DLG2: variants seen among roughly 807,000 people sequenced by gnomAD.
DLG2 encodes the protein discs large MAGUK scaffold protein 2.
DLG2 carries 45 observed loss-of-function variants against 132.5 expected under a neutral mutation model. The ratio of observed to expected loss-of-function variants is 0.34; its 90% CI spans 0.27 to 0.44. DLG2 has a LOEUF of 0.44. Ranked by LOEUF, DLG2 falls within the 20% of genes least tolerant of loss-of-function variation. The pLI is 1.00. For synonymous variants in DLG2, 424 were observed against 419.6 expected (o/e 1.01, Z -0.13); for missense variants, 1,045 against 1,196.9 (o/e 0.87, Z 1.87).
Position 84,163,465 on chromosome 11 carries a change from T to C in DLG2, c.620A>G (p.Glu207Gly). ...IEYEFEEITLERGNSGLGFSI... is the reference protein window; with the variant it reads ...IEYEFEEITLGRGNSGLGFSI... ...TTTTTCAAAATTTTTTCTTACCCTCTCCAGTGTAATTTCTTCAAATTCATA... is the reference window on the plus strand; with the variant it reads ...TTTTTCAAAATTTTTTCTTACCCTCCCCAGTGTAATTTCTTCAAATTCATA... The change falls in exon 9 of 28, where the codon GAG (glutamate) becomes GGG (glycine). Residue 207 changes from glutamate (E) to glycine (G), a missense_variant. By Grantham distance (98) the Glu-to-Gly change is moderately conservative. This residue lies in a region of DLG2 where 109 missense variants were observed against 159.1 expected (regional missense o/e 0.69). Transcript: ENST00000376104. 6.2e-7 allele frequency: 1 copy of C among 1,606,320 alleles called. No individual in the cohort carries two copies. Among genetic ancestry groups the C allele is most frequent in the Non-Finnish European group, 8.5e-7 (1 of 1,177,256 alleles).
At chr11:84,689,006 T>G (rs1195473895) in intron 6 of DLG2, among the ~76,000 whole-genome samples, 1 of 152,226 alleles carries the variant, frequency 6.6e-6, no homozygotes, top group Non-Finnish European at 1.5e-5. Flanking sequence ...TTCACAGTGC[T>G]GTTAAGCAGA....
At chr11:84,540,477 T>C (rs567689366) in intron 6 of DLG2, among the ~76,000 whole-genome samples, 12 of 151,882 alleles carry the variant, frequency 7.9e-5, no homozygotes, top group South Asian at 2.1e-4. Flanking sequence ...GAAATGCAAA[T>C]CAGAACCACA....
intron 7 of DLG2, among the ~76,000 whole-genome samples, chr11:84,362,940 T>C (rs1449695721): frequency 6.6e-6 from 1 of 152,140 alleles, no homozygotes; most frequent in Non-Finnish European, 1.5e-5. Flanking sequence ...TCCAAGTCTT[T>C]GCTATTGTGA....
intron 6 of DLG2, among the ~76,000 whole-genome samples, chr11:84,758,803 C>T (rs572039689): frequency 1.3e-5 from 2 of 152,240 alleles, no homozygotes; most frequent in African/African-American, 4.8e-5. Context: ...AACGTAGATT[C>T]ACTAAGTTGA....
intron 18 of DLG2, among the ~76,000 whole-genome samples, chr11:83,745,222 G>A (rs1316601592): frequency 6.6e-6 from 1 of 152,162 alleles, no homozygotes; most frequent in Admixed American, 6.5e-5. Context: ...CAAATGCTGT[G>A]AAAACAAATT....
At chr11:83,634,363 A>G (rs2064248074) in intron 18 of DLG2, among the ~76,000 whole-genome samples, 1 of 152,204 alleles carries the variant, frequency 6.6e-6, no homozygotes, top group African/African-American at 2.4e-5. Context: ...GAACATGTAA[A>G]AAGAAACGGC....
At chr11:85,408,459 A>G (rs2088981648) in intron 3 of DLG2, among the ~76,000 whole-genome samples, 2 of 151,364 alleles carry the variant, frequency 1.3e-5, no homozygotes, top group Admixed American at 6.6e-5. Flanking sequence ...GGTTAGTTAC[A>G]TATGTATACA....
chr11:84,056,941 T>C (rs1275501484), intron 11 of DLG2, among the ~76,000 whole-genome samples: 1 of 152,164 alleles, frequency 6.6e-6, no homozygotes, highest in East Asian at 1.9e-4. Context: ...GAGCCTGCTT[T>C]TTAGGGATGC....
intron 6 of DLG2, among the ~76,000 whole-genome samples, chr11:85,087,270 G>C (rs915375522): frequency 1.3e-5 from 2 of 152,168 alleles, no homozygotes; most frequent in Non-Finnish European, 2.9e-5. Flanking sequence ...AAGTAATTAG[G>C]AGTATGAGAG....
intron 19 of DLG2, among the ~76,000 whole-genome samples, chr11:83,556,765 A>G (rs2096527805): frequency 6.6e-6 from 1 of 152,238 alleles, no homozygotes; most frequent in South Asian, 2.1e-4. Context: ...ATAGAAGTGT[A>G]TAAATTGGGC....
intron 16 of DLG2, among the ~76,000 whole-genome samples, chr11:83,860,127 A>T (rs531537729): frequency 6.6e-6 from 1 of 152,322 alleles, no homozygotes; most frequent in South Asian, 2.1e-4. Context: ...CTGCTAGGGC[A>T]GTGTAGAAGG....
At chr11:85,143,783 A>T (rs2076654462) in intron 5 of DLG2, among the ~76,000 whole-genome samples, 2 of 151,870 alleles carry the variant, frequency 1.3e-5, no homozygotes, top group African/African-American at 2.4e-5. Context: ...CATAGTGGTC[A>T]GAAAAGATAT....
intron 3 of DLG2, among the ~76,000 whole-genome samples, chr11:85,502,007 T>G (rs941712931): frequency 2.0e-5 from 3 of 152,260 alleles, no homozygotes; most frequent in Admixed American, 6.5e-5. Flanking sequence ...AGCAAAGACT[T>G]GGAACCAACC....
intron 6 of DLG2, among the ~76,000 whole-genome samples, chr11:84,712,876 A>G (rs2060603377): frequency 6.6e-6 from 1 of 152,146 alleles, no homozygotes; most frequent in Admixed American, 6.5e-5. Flanking sequence ...CGTAGAAAGA[A>G]TAACATTGAG....
chr11:85,564,337 T>C (rs1466064081), intron 3 of DLG2, among the ~76,000 whole-genome samples: 1 of 152,000 alleles, frequency 6.6e-6, no homozygotes, highest in Non-Finnish European at 1.5e-5. Flanking sequence ...ATTCCATGGT[T>C]GCAAGGATTT....
At chr11:84,252,933 T>C (rs2097407996) in intron 7 of DLG2, among the ~76,000 whole-genome samples, 1 of 152,236 alleles carries the variant, frequency 6.6e-6, no homozygotes, top group Non-Finnish European at 1.5e-5. Context: ...AGCTTTTTAA[T>C]GTCAATCTAT....
chr11:84,423,917 AAC>A (rs1157879807), intron 7 of DLG2, among the ~76,000 whole-genome samples: 1 of 152,192 alleles, frequency 6.6e-6, no homozygotes, highest in East Asian at 1.9e-4. Context: ...TTAAACATTA[AAC>A]AGTCCATAAA....
chr11:83,973,876 C>A (rs1384285920), intron 12 of DLG2, among the ~76,000 whole-genome samples: 1 of 152,114 alleles, frequency 6.6e-6, no homozygotes, highest in African/African-American at 2.4e-5. Flanking sequence ...AGGAATTTAA[C>A]TTCAGGACAT....
At chr11:84,419,430 G>T (rs1448813376) in intron 7 of DLG2, among the ~76,000 whole-genome samples, 1 of 152,080 alleles carries the variant, frequency 6.6e-6, no homozygotes, top group Non-Finnish European at 1.5e-5. Context: ...CACACCAAGT[G>T]CTTACAGAAG....
Sources: gnomAD v4.1 joint callset for allele counts (sites outside exome capture counted in the v4.1 genomes callset) on GRCh38, gnomAD v4.1.1 for gene constraint, gnomAD v4.1.1 regional missense constraint, MANE v1.5 for transcripts, NCBI Gene and HGNC (gene_info 2026-07-23, HGNC 2026-07-21) for gene names.